Variants in CDC123 observed in about 807,000 individuals in gnomAD.
CDC123 encodes translation initiation factor eIF2 assembly protein.
CDC123 carries 37 observed loss-of-function variants against 54.4 expected under a neutral mutation model. The observed-to-expected ratio is 0.68, with a 90% CI of 0.52 to 0.89. CDC123 has a LOEUF of 0.89. Ranked by LOEUF, CDC123 falls within the 40% of genes least tolerant of loss-of-function variation. The pLI is 0.00. For missense variants in CDC123, 361 were observed against 412.1 expected (o/e 0.88, Z 1.07); for synonymous variants, 144 against 136.8 (o/e 1.05, Z -0.37).
intron 7 of CDC123, 35 bp downstream of exon 7, chr10:12,231,031 A>G (rs1382652267): frequency 6.5e-7 from 1 of 1,545,192 alleles, no homozygotes; most frequent in Non-Finnish European, 8.9e-7. Context: ...ATTGTAGATG[A>G]AGATGTGTTG....
Position 12,249,614 on chromosome 10 carries a change from G to A in CDC123, c.880G>A (p.Val294Met). 6.2e-7 allele frequency: 1 copy of A among 1,614,112 alleles called. No individual in the cohort carries two copies. Among genetic ancestry groups the A allele is most frequent in the Non-Finnish European group, 8.5e-7 (1 of 1,180,002 alleles). The change falls in exon 12 of 13, where the codon GTG (valine) becomes ATG (methionine). Residue 294 changes from valine (V) to methionine (M), a missense_variant. By Grantham distance (21) the Val-to-Met change is conservative. Coordinates refer to ENST00000281141, the MANE Select transcript of CDC123 (RefSeq NM_006023.3). ...AGCTTTCCGTTGCACAAACAGTGAA[G>A]TGACAGTCCAGCCCAGCCCCTATTT... is the stretch of plus-strand genomic sequence containing the variant. ...SPAFRCTNSE[V>M]TVQPSPYLSY...
chr10:12,234,421 T>C (rs1263484469), intron 7 of CDC123, among the ~76,000 whole-genome samples: 3 of 152,252 alleles, frequency 2.0e-5, no homozygotes, highest in Non-Finnish European at 4.4e-5. Flanking sequence ...GGTTTTACCA[T>C]GTTGGCCAGG....
chr10:12,199,926 T>C (rs1360200458), intron 2 of CDC123, among the ~76,000 whole-genome samples: 3 of 148,836 alleles, frequency 2.0e-5, no homozygotes, highest in Admixed American at 1.3e-4. Flanking sequence ...GGGTTCACGC[T>C]ATTCTCCTGC....
chr10:12,218,387 G>A (rs1835690282), intron 6 of CDC123, among the ~76,000 whole-genome samples: 2 of 151,466 alleles, frequency 1.3e-5, no homozygotes, highest in African/African-American at 4.9e-5. Flanking sequence ...CTACAGGCAT[G>A]CACCACCACA....
chr10:12,245,984 C>T, intron 10 of CDC123, 165 bp from the exon 11 acceptor site: 1 of 622,794 alleles, frequency 1.6e-6, no homozygotes, highest in South Asian at 2.2e-5. Flanking sequence ...GCAGGAGGAT[C>T]CTTTGAGCCC....
chr10:12,211,944 C>T (rs1198166160), intron 4 of CDC123, among the ~76,000 whole-genome samples: 1 of 152,090 alleles, frequency 6.6e-6, no homozygotes, highest in Non-Finnish European at 1.5e-5. Flanking sequence ...AAAAGCTAGC[C>T]AGGCATGGTG....
At chr10:12,242,896 C>T (rs566039736) in intron 10 of CDC123, among the ~76,000 whole-genome samples, 67 of 151,934 alleles carry the variant, frequency 4.4e-4, no homozygotes, top group Middle Eastern at 3.4e-3. Flanking sequence ...GAGCTGAGAT[C>T]GCGCGACTGT....
At chr10:12,213,710 G>T (rs936442860) in intron 4 of CDC123, among the ~76,000 whole-genome samples, 1 of 152,084 alleles carries the variant, frequency 6.6e-6, no homozygotes, top group Non-Finnish European at 1.5e-5. Flanking sequence ...TCTTTAATGC[G>T]TGTTGAAGAT....
chr10:12,210,187 A>G, intron 3 of CDC123, 103 bp from the exon 4 acceptor site: 4 of 1,479,822 alleles, frequency 2.7e-6, no homozygotes, highest in Non-Finnish European at 3.7e-6. Context: ...TCCGGAAAAG[A>G]TGTCTCCTGT....
At chr10:12,196,428 A>G in intron 1 of CDC123, 109 bp downstream of exon 1, 1 of 1,411,784 alleles carries the variant, frequency 7.1e-7, no homozygotes, top group Non-Finnish European at 9.9e-7. Flanking sequence ...ACTGCATGGG[A>G]GGGAGTGTGT....
Position 12,210,325 on chromosome 10 carries a change from A to G in CDC123, c.237+3A>G. 1 of 1,614,054 alleles carries G rather than the reference A, an allele frequency of 6.2e-7. No homozygotes were observed. Among genetic ancestry groups the G allele is most frequent in the Non-Finnish European group, 8.5e-7 (1 of 1,179,996 alleles). ...ATGAGAACACAGCCACGCTTACGGT[A>G]AGAGCACAGCAGACTCAGCGTGGGG... On this transcript the variant is annotated splice_donor_region_variant and intron_variant, in intron 4 of 12. Transcript: ENST00000281141.
Position 12,215,836 on chromosome 10 carries a change from G to A in CDC123, c.333+1G>A. 1 of 1,572,766 alleles carries A rather than the reference G, an allele frequency of 6.4e-7. No individual in the cohort carries two copies. Among genetic ancestry groups the A allele is most frequent in the Non-Finnish European group, 8.7e-7 (1 of 1,152,354 alleles). On this transcript the variant is annotated splice_donor_variant, in intron 5 of 12. Transcript: ENST00000281141. LOFTEE classifies it high-confidence loss of function. ...TAAGCTTAATTGGAGTGCCCCAAGG[G>A]TAGGAACACATAAGTAATTCTCTTA...
chr10:12,206,438 C>T (rs1835520156), intron 2 of CDC123, among the ~76,000 whole-genome samples: 1 of 152,230 alleles, frequency 6.6e-6, no homozygotes, highest in African/African-American at 2.4e-5. Flanking sequence ...GTTAGTATTT[C>T]CACTATAGAA....
At chr10:12,198,036 G>A (rs117274893) in intron 1 of CDC123, among the ~76,000 whole-genome samples, 5,074 of 152,202 alleles carry the variant, frequency 0.033, 142 homozygotes, top group Non-Finnish European at 0.048. Context: ...CTGTGGTAGG[G>A]CTTTTTGATA....
intron 9 of CDC123, 135 bp from the exon 10 acceptor site, chr10:12,238,322 A>G: frequency 1.1e-6 from 1 of 899,102 alleles, no homozygotes; most frequent in South Asian, 1.8e-5. Flanking sequence ...TGAAGTTTTG[A>G]GGTTTAGAAG....
At chr10:12,222,426 T>C (rs1361910900) in intron 6 of CDC123, among the ~76,000 whole-genome samples, 1 of 152,162 alleles carries the variant, frequency 6.6e-6, no homozygotes, top group African/African-American at 2.4e-5. Context: ...GAGACCAGCC[T>C]GGCCAACATG....
intron 5 of CDC123, 50 bp from the exon 6 acceptor site, chr10:12,217,311 T>G: frequency 6.4e-7 from 1 of 1,568,172 alleles, no homozygotes; most frequent in Non-Finnish European, 8.7e-7. Context: ...TGAGCATTCA[T>G]AGCAGCCAAC....
Position 12,206,891 on chromosome 10 carries a change from A to C in CDC123, c.147-3076A>C, listed in dbSNP as rs143121158. ...GGAGAATGGCCTGAACCCGGGAGGTAGACCTTGCAATGAGCTGAAATCACG... is the reference window on the plus strand; with the variant it reads ...GGAGAATGGCCTGAACCCGGGAGGTCGACCTTGCAATGAGCTGAAATCACG... On this transcript the variant is annotated intron_variant, in intron 2 of 12. Coordinates refer to ENST00000281141, the MANE Select transcript of CDC123 (RefSeq NM_006023.3). Among the ~76,000 whole-genome samples, 262 of 150,608 alleles carry C rather than the reference A, an allele frequency of 1.7e-3. 1 individual carries two copies. Among genetic ancestry groups the C allele is most frequent in the African/African-American group, 5.8e-3 (237 of 40,866 alleles).
intron 2 of CDC123, among the ~76,000 whole-genome samples, chr10:12,206,883 C>T (rs376584898): frequency 8.1e-5 from 12 of 148,166 alleles, no homozygotes; most frequent in African/African-American, 3.0e-4. Context: ...GGCCTGAACC[C>T]GGGAGGTAGA....
Sources: allele counts gnomAD v4.1 joint callset (sites outside exome capture counted in the v4.1 genomes callset), GRCh38; gene constraint gnomAD v4.1.1; transcripts MANE v1.5; gene names NCBI Gene and HGNC (gene_info 2026-07-23, HGNC 2026-07-21).